The following TNKS variants were observed in gnomAD, a reference collection of about 807,000 sequenced individuals.
TNKS encodes poly [ADP-ribose] polymerase tankyrase-1.
In TNKS, 72 loss-of-function variants were observed where a neutral mutation model predicts 135.8. The ratio of observed to expected loss-of-function variants is 0.53; its 90% CI spans 0.44 to 0.64. TNKS has a LOEUF of 0.64. Ranked by LOEUF, TNKS falls within the 30% of genes least tolerant of loss-of-function variation. The pLI is 0.00. For synonymous variants in TNKS, 849 were observed against 649.3 expected, an observed-to-expected ratio of 1.31 and a Z score of -4.68; for missense variants, 1,769 against 1,674.0, an observed-to-expected ratio of 1.06 and a Z score of -0.99.
At chr8:9,695,105 C>G (rs758100638) in intron 5 of TNKS, among the ~76,000 whole-genome samples, 4 of 152,116 alleles carry the variant, frequency 2.6e-5, no homozygotes, top group Non-Finnish European at 4.4e-5. Context: ...TGTGATAATA[C>G]ATCTAGACAT....
chr8:9,590,716 C>A (rs1261503516), intron 2 of TNKS, among the ~76,000 whole-genome samples: 1 of 152,128 alleles, frequency 6.6e-6, no homozygotes, highest in African/African-American at 2.4e-5. Flanking sequence ...TGTATGTATT[C>A]TTTGGGGAAA....
In TNKS at chr8:9,764,653, C is replaced by G. The variant is rs75843339; in HGVS notation, c.3373-63C>G. The G allele has an allele frequency of 1.8e-3, 2,267 of 1,280,968 alleles. 34 individuals carry two copies. In the African/African-American group the frequency reaches 0.03, roughly 17 times the overall value. The allele number at this position is 1,280,968 out of a possible 1,614,324, so 79.4% of individuals were successfully genotyped here. A position where few individuals can be genotyped will look rare whatever the true frequency, so the allele number is the denominator to read the frequency against. ...TTATTTATTAATACTGAATTTTAGA[C>G]TCATCATTGTCTAGAATTACACACT... On this transcript the variant is annotated intron_variant, in intron 22 of 26. Transcript: ENST00000310430.
chr8:9,752,718 A>G, intron 20 of TNKS, 92 bp downstream of exon 20: 1 of 842,684 alleles, frequency 1.2e-6, no homozygotes, highest in Non-Finnish European at 1.8e-6. Context: ...AACACTTTGG[A>G]ATGCTTCGGC....
intron 26 of TNKS, among the ~76,000 whole-genome samples, chr8:9,773,511 A>G (rs1198265470): frequency 6.6e-6 from 1 of 152,108 alleles, no homozygotes; most frequent in Non-Finnish European, 1.5e-5. Flanking sequence ...TCTCTTTACC[A>G]TATGTTTTAA....
At chr8:9,713,325 T>C (rs557887061) in intron 11 of TNKS, among the ~76,000 whole-genome samples, 1 of 152,370 alleles carries the variant, frequency 6.6e-6, no homozygotes, top group African/African-American at 2.4e-5. Context: ...TCTAATGACA[T>C]TTATAATGCT....
chr8:9,606,968 G>C (rs1047378663), intron 2 of TNKS, among the ~76,000 whole-genome samples: 1 of 152,020 alleles, frequency 6.6e-6, no homozygotes. Context: ...ACCTTGTTTT[G>C]CCTCGGTTTT....
chr8:9,600,564 C>T (rs947820539), intron 2 of TNKS, among the ~76,000 whole-genome samples: 5 of 152,064 alleles, frequency 3.3e-5, no homozygotes, highest in Non-Finnish European at 7.4e-5. Context: ...CTGTTGGTCT[C>T]GGCCTCCCAA....
At chr8:9,678,149 C>A (rs1480069110) in intron 3 of TNKS, among the ~76,000 whole-genome samples, 1 of 152,184 alleles carries the variant, frequency 6.6e-6, no homozygotes, top group Non-Finnish European at 1.5e-5. Context: ...TAAAATCTGG[C>A]ATACAGGCCT....
chr8:9,763,617 T>C (rs1303516449), intron 22 of TNKS, among the ~76,000 whole-genome samples: 1 of 152,232 alleles, frequency 6.6e-6, no homozygotes, highest in Non-Finnish European at 1.5e-5. Flanking sequence ...TCCTTGTTTT[T>C]ATGCAGTTAT....
intron 11 of TNKS, among the ~76,000 whole-genome samples, chr8:9,712,865 G>A (rs1267678805): frequency 6.6e-6 from 1 of 152,172 alleles, no homozygotes; most frequent in Non-Finnish European, 1.5e-5. Context: ...ACTGTAGCCT[G>A]GGTGACAGAG....
Position 9,759,953 on chromosome 8 carries a change from G to A in TNKS, c.3154-1563G>A, listed in dbSNP as rs1010387028. On this transcript the variant is annotated intron_variant, in intron 20 of 26. Transcript: ENST00000310430. ...AGATCGCGCCACTGCACTCCAGCCG[G>A]GGCGACAGAGCGAGACTCTGTCTCA... Among the ~76,000 whole-genome samples the A allele has an allele frequency of 3.9e-5, 6 of 151,918 alleles. No individual in the cohort carries two copies. In the East Asian group the frequency reaches 1.2e-3, roughly 29 times the overall value.
At chr8:9,560,548 C>T (rs1230010352) in intron 1 of TNKS, among the ~76,000 whole-genome samples, 2 of 93,126 alleles carry the variant, frequency 2.1e-5, no homozygotes, top group Non-Finnish European at 3.9e-5. Context: ...GTACAAATGT[C>T]GTTCCTGTTA....
chr8:9,692,167 A>G (rs1199224688), intron 5 of TNKS, among the ~76,000 whole-genome samples: 1 of 152,144 alleles, frequency 6.6e-6, no homozygotes, highest in Admixed American at 6.5e-5. Flanking sequence ...CAAGGTAGTG[A>G]GCATAATACC....
At chr8:9,608,743 C>T (rs922935361) in intron 2 of TNKS, among the ~76,000 whole-genome samples, 2 of 152,124 alleles carry the variant, frequency 1.3e-5, no homozygotes, top group Non-Finnish European at 2.9e-5. Context: ...CTTCTCAGTT[C>T]AGTGTAACCA....
Position 9,776,748 on chromosome 8 carries a change from T to C in TNKS, c.*12T>C, listed in dbSNP as rs775680505. The C allele has an allele frequency of 1.5e-5, 24 of 1,612,164 alleles. No homozygotes were observed. The highest frequency in any genetic ancestry group is 8.5e-6 in the Non-Finnish European group (10 of 1,178,398). Reference sequence around the variant, plus strand: ...AGCAGAAGACCTAGTGAATGCCTGCTGGTGAAGGCCAGATCAGATTTCAAC... The same window carrying C: ...AGCAGAAGACCTAGTGAATGCCTGCCGGTGAAGGCCAGATCAGATTTCAAC... On this transcript the variant is annotated 3_prime_UTR_variant, in exon 27 of 27. Coordinates refer to ENST00000310430, the MANE Select transcript of TNKS (RefSeq NM_003747.3).
intron 2 of TNKS, among the ~76,000 whole-genome samples, chr8:9,605,141 A>T (rs1799166967): frequency 6.6e-6 from 1 of 152,068 alleles, no homozygotes; most frequent in Non-Finnish European, 1.5e-5. Flanking sequence ...AGTTTTGTTT[A>T]CTCCAAAAAG....
rs1258885140 is a variant in TNKS at position 9,778,810 on chromosome 8, C to G, written c.*2074C>G. 1 of 152,092 alleles carries G rather than the reference C, an allele frequency of 6.6e-6. No individual in the cohort carries two copies. Among genetic ancestry groups the G allele is most frequent in the Non-Finnish European group, 1.5e-5 (1 of 68,024 alleles). 9.4% of individuals were successfully genotyped at this position (152,092 alleles called of 1,614,324 possible). ...ACGTAGTTTAAAATGGTAAACACAG[C>G]TGTGATTTTTAGTTAAGTAAAAGAG... is the stretch of plus-strand genomic sequence containing the variant. On this transcript the variant is annotated 3_prime_UTR_variant, in exon 27 of 27. Coordinates refer to ENST00000310430, the MANE Select transcript of TNKS (RefSeq NM_003747.3).
chr8:9,757,138 G>A (rs533012338), intron 20 of TNKS, among the ~76,000 whole-genome samples: 40 of 152,050 alleles, frequency 2.6e-4, no homozygotes, highest in African/African-American at 8.9e-4. Context: ...CACCATACCC[G>A]GCTAATTTTT....
chr8:9,706,742 A>C, intron 7 of TNKS, 69 bp from the exon 8 acceptor site: 1 of 1,423,574 alleles, frequency 7.0e-7, no homozygotes, highest in Non-Finnish European at 9.6e-7. Context: ...AAAGAAATAA[A>C]TGTCTTTTGA....
Sources: gnomAD v4.1 joint callset for allele counts (sites outside exome capture counted in the v4.1 genomes callset) on GRCh38, gnomAD v4.1.1 for gene constraint, MANE v1.5 for transcripts, NCBI Gene and HGNC (gene_info 2026-07-23, HGNC 2026-07-21) for gene names.